CCDC144A: variants seen among roughly 807,000 people sequenced by gnomAD.
CCDC144A encodes coiled-coil domain containing 144A, also known as coiled-coil domain-containing protein 144A.
A neutral mutation model predicts 143.8 loss-of-function variants in CCDC144A; 41 were observed. The ratio of observed to expected loss-of-function variants is 0.29; its 90% confidence interval spans 0.22 to 0.37. The LOEUF (loss-of-function observed/expected upper bound fraction) is 0.37, where lower values mean the gene tolerates loss of function less well. CCDC144A is among the 10% of genes least tolerant of loss of function. The pLI is 1.00. For missense variants in CCDC144A, 637 were observed against 1,488.8 expected (o/e 0.43, Z 9.41); for synonymous variants, 242 against 517.9 (o/e 0.47, Z 7.23).
At chr17:16,768,060 ATATC>A (rs1267000935) in intron 15 of CCDC144A, among the ~76,000 whole-genome samples, 2 of 152,286 alleles carry the variant, frequency 1.3e-5, no homozygotes, top group Non-Finnish European at 2.9e-5. Flanking sequence ...TCTAAGCTAT[ATATC>A]TACATGTAAG....
At chr17:16,772,679 T>A in intron 16 of CCDC144A, 1 of 1,611,400 alleles carries the variant, frequency 6.2e-7, no homozygotes, top group Non-Finnish European at 8.5e-7. Flanking sequence ...TTCTTTGCTC[T>A]ATCTGCCAAC....
At chr17:16,742,113 AC>A (rs1320854221) in intron 12 of CCDC144A, among the ~76,000 whole-genome samples, 4 of 151,942 alleles carry the variant, frequency 2.6e-5, no homozygotes, top group Non-Finnish European at 4.4e-5. Context: ...AAATTAGTTA[AC>A]CATATTCACC....
At chr17:16,703,600 C>T (rs1046375890) in intron 2 of CCDC144A, among the ~76,000 whole-genome samples, 8 of 152,040 alleles carry the variant, frequency 5.3e-5, no homozygotes, top group South Asian at 2.1e-4. Context: ...GTCAGGAGAT[C>T]GAGACCATCC....
chr17:16,776,939 A>G lies in CCDC144A; in HGVS notation c.*3306A>G, dbSNP rs1433870059. On this transcript the variant is annotated 3_prime_UTR_variant, in exon 17 of 17. Transcript: ENST00000399273. Reference sequence around the variant, plus strand: ...CAGAATGGGTAAGAATTCACCAACCAAGTTGCTGCTGTCTTCAGGAGACTC... The same window carrying G: ...CAGAATGGGTAAGAATTCACCAACCGAGTTGCTGCTGTCTTCAGGAGACTC... 1.4e-5 allele frequency: 2 copies of G among 144,950 alleles called. No homozygotes were observed. Among genetic ancestry groups the G allele is most frequent in the Non-Finnish European group, 3.0e-5 (2 of 66,178 alleles). 9.0% of individuals were successfully genotyped at this position (144,950 alleles called of 1,614,324 possible).
chr17:16,677,414 T>C, the CCDC144A span, among the ~76,000 whole-genome samples: 10 of 152,284 alleles, frequency 6.6e-5, no homozygotes, highest in African/African-American at 2.2e-4. Context: ...TGAGTGCAGA[T>C]GGCTCAGGGT....
At chr17:16,700,660 T>C (rs1321882610) in intron 2 of CCDC144A, among the ~76,000 whole-genome samples, 2 of 152,224 alleles carry the variant, frequency 1.3e-5, no homozygotes, top group Non-Finnish European at 2.9e-5. Context: ...TTATATAATA[T>C]AATAGCAAAT....
intron 11 of CCDC144A, among the ~76,000 whole-genome samples, chr17:16,733,194 C>T (rs924123363): frequency 6.7e-6 from 1 of 149,736 alleles, no homozygotes; most frequent in Non-Finnish European, 1.5e-5. Flanking sequence ...CAATGATATG[C>T]CATAATATAA....
chr17:16,776,312 G>A lies in CCDC144A; in HGVS notation c.*2679G>A, dbSNP rs1409075495. 2 of 152,194 alleles carry A rather than the reference G, an allele frequency of 1.3e-5. No individual in the cohort carries two copies. Among genetic ancestry groups the A allele is most frequent in the African/African-American group, 2.4e-5 (1 of 41,418 alleles). The allele number at this position is 152,194 out of a possible 1,614,324, so 9.4% of individuals were successfully genotyped here. On this transcript the variant is annotated 3_prime_UTR_variant, in exon 17 of 17. Coordinates refer to ENST00000399273, the MANE Select transcript of CCDC144A (RefSeq NM_001382000.1). ...CCTTGGGCAGTGTGGTCATTTTCAC[G>A]ATATTGAACCTTCCTGTCTGTGAGC... is the stretch of plus-strand genomic sequence containing the variant.
chr17:16,771,836 A>G, intron 15 of CCDC144A, 141 bp from the exon 16 acceptor site: 2 of 653,764 alleles, frequency 3.1e-6, no homozygotes, highest in East Asian at 3.1e-5. Context: ...AGGAATTTAT[A>G]TGATATTTTT....
At chr17:16,762,041 C>T (rs1189095131) in intron 13 of CCDC144A, among the ~76,000 whole-genome samples, 19 of 152,314 alleles carry the variant, frequency 1.2e-4, no homozygotes, top group African/African-American at 2.6e-4. Flanking sequence ...TTTTAAGTTA[C>T]GTTGTTCCAC....
chr17:16,682,245 G>A, the CCDC144A span, among the ~76,000 whole-genome samples: 1 of 151,674 alleles, frequency 6.6e-6, no homozygotes, highest in African/African-American at 2.4e-5. Flanking sequence ...GTGTGAGATG[G>A]AGAGACAGAG....
chr17:16,713,840 G>A (rs1286919523), intron 6 of CCDC144A, among the ~76,000 whole-genome samples: 9 of 152,254 alleles, frequency 5.9e-5, no homozygotes, highest in Middle Eastern at 6.8e-3. Context: ...ATCATCTACA[G>A]TCATGCCCCT....
At chr17:16,734,608 A>G (rs981304346) in intron 11 of CCDC144A, 82 bp from the exon 12 acceptor site, 4 of 1,360,012 alleles carry the variant, frequency 2.9e-6, no homozygotes, top group Non-Finnish European at 3.9e-6. Context: ...CAATCTTTTC[A>G]TTGTATACAT....
At chr17:16,709,680 T>A (rs1912283684) in intron 5 of CCDC144A, 45 bp downstream of exon 5, 1 of 1,565,382 alleles carries the variant, frequency 6.4e-7, no homozygotes, top group East Asian at 2.2e-5. Flanking sequence ...CTCTCAATTA[T>A]CTGGTCCATT....
intron 8 of CCDC144A, among the ~76,000 whole-genome samples, chr17:16,725,029 T>TG (rs1913333453): frequency 8.0e-6 from 1 of 124,624 alleles, no homozygotes; most frequent in South Asian, 2.5e-4. Flanking sequence ...TTTTTTTTTT[T>TG]TTTTTGTGTG....
intron 12 of CCDC144A, among the ~76,000 whole-genome samples, chr17:16,754,036 T>C (rs1914952175): frequency 6.6e-6 from 1 of 152,246 alleles, no homozygotes; most frequent in African/African-American, 2.4e-5. Context: ...CAGGTTTCCT[T>C]TTCTTCTTGG....
At chr17:16,739,791 A>G (rs1173593978) in intron 12 of CCDC144A, among the ~76,000 whole-genome samples, 1 of 152,036 alleles carries the variant, frequency 6.6e-6, no homozygotes, top group African/African-American at 2.4e-5. Flanking sequence ...GTAGCAAATC[A>G]CATTTTAGGA....
intron 3 of CCDC144A, chr17:16,706,117 C>T (rs908287617): frequency 6.6e-6 from 1 of 151,472 alleles, no homozygotes; most frequent in African/African-American, 2.4e-5. Context: ...CTTCCAAAAG[C>T]AAATATTAAG....
At chr17:16,704,089 C>G (rs1419049912) in intron 2 of CCDC144A, among the ~76,000 whole-genome samples, 1 of 152,150 alleles carries the variant, frequency 6.6e-6, no homozygotes, top group Non-Finnish European at 1.5e-5. Flanking sequence ...TAAATGCACC[C>G]TTTATGGTGA....
Sources: gnomAD v4.1 joint callset for allele counts (sites outside exome capture counted in the v4.1 genomes callset) on GRCh38, gnomAD v4.1.1 for gene constraint, MANE v1.5 for transcripts, NCBI Gene and HGNC (gene_info 2026-07-23, HGNC 2026-07-21) for gene names.